The following PI4KA variants were observed in gnomAD, a reference collection of about 807,000 sequenced individuals.
PI4KA encodes the protein PI4-kinase alpha.
PI4KA carries 122 observed loss-of-function variants against 271.4 expected under a neutral mutation model. The ratio of observed to expected loss-of-function variants is 0.45; its 90% confidence interval spans 0.39 to 0.52. The LOEUF is 0.52. Ranked by LOEUF, PI4KA falls within the 20% of genes least tolerant of loss-of-function variation. PI4KA has a pLI of 0.00. For synonymous variants in PI4KA, 1,041 were observed against 1,078.8 expected, an observed-to-expected ratio of 0.96 and a Z score of 0.69; for missense variants, 1,969 against 2,769.1, an observed-to-expected ratio of 0.71 and a Z score of 6.48.
intron 19 of PI4KA, chr22:20,787,166 T>C: frequency 9.1e-7 from 1 of 1,098,952 alleles, no homozygotes; most frequent in Middle Eastern, 2.8e-4. Flanking sequence ...TTACGTAGTT[T>C]ACGCTACCAA....
chr22:20,821,439 C>T (rs1027172974), intron 4 of PI4KA, among the ~76,000 whole-genome samples: 1 of 151,814 alleles, frequency 6.6e-6, no homozygotes, highest in South Asian at 2.1e-4. Flanking sequence ...GGGCTGGTCT[C>T]GAACTCCTGA....
At chr22:20,778,737 C>A (rs1037085030) in intron 19 of PI4KA, among the ~76,000 whole-genome samples, 5 of 152,180 alleles carry the variant, frequency 3.3e-5, no homozygotes, top group African/African-American at 1.2e-4. Context: ...CAATCACCAG[C>A]CCCAGGTGCC....
intron 19 of PI4KA, among the ~76,000 whole-genome samples, chr22:20,773,152 G>A (rs539737874): frequency 1.3e-5 from 2 of 152,126 alleles, no homozygotes; most frequent in South Asian, 2.1e-4. Context: ...TTGGGAGGCC[G>A]AGACGGGAGG....
At chr22:20,722,624 A>C (rs1012594660) in intron 42 of PI4KA, among the ~76,000 whole-genome samples, 2 of 152,180 alleles carry the variant, frequency 1.3e-5, no homozygotes, top group Non-Finnish European at 2.9e-5. Flanking sequence ...TTTTAATTAA[A>C]AAAATTTTTT....
chr22:20,723,113 C>T (rs1239753188), intron 42 of PI4KA, among the ~76,000 whole-genome samples: 13 of 151,674 alleles, frequency 8.6e-5, no homozygotes, highest in Admixed American at 3.3e-4. Context: ...CTCCGCCTCC[C>T]GGGTTCACGC....
At chr22:20,739,145 A>T (rs1000767683) in intron 32 of PI4KA, among the ~76,000 whole-genome samples, 2 of 151,914 alleles carry the variant, frequency 1.3e-5, no homozygotes, top group African/African-American at 4.8e-5. Context: ...GGAGATCGAG[A>T]CCATCCTGGC....
chr22:20,726,612 G>T, intron 41 of PI4KA, 71 bp from the exon 42 acceptor site: 1 of 1,378,422 alleles, frequency 7.3e-7, no homozygotes, highest in Non-Finnish European at 9.9e-7. Flanking sequence ...CCCAGGCCCT[G>T]CCTCTGCTTC....
intron 19 of PI4KA, among the ~76,000 whole-genome samples, chr22:20,780,587 C>A (rs1321393783): frequency 6.6e-6 from 1 of 151,994 alleles, no homozygotes. Context: ...GACCAACAGA[C>A]CAACATGGTG....
chr22:20,723,711 A>G (rs1052139324), intron 42 of PI4KA, among the ~76,000 whole-genome samples: 1 of 152,036 alleles, frequency 6.6e-6, no homozygotes, highest in African/African-American at 2.4e-5. Context: ...CACGCTTGTA[A>G]TCCTAGCTAC....
At chr22:20,776,607 C>T (rs1338519351) in intron 19 of PI4KA, among the ~76,000 whole-genome samples, 1 of 152,168 alleles carries the variant, frequency 6.6e-6, no homozygotes, top group Non-Finnish European at 1.5e-5. Context: ...CTGCTCTGCA[C>T]GGCCAGGGAG....
chr22:20,729,530 T>C, intron 38 of PI4KA, 24 bp from the exon 39 acceptor site: 1 of 1,563,050 alleles, frequency 6.4e-7, no homozygotes, highest in Non-Finnish European at 8.7e-7. Flanking sequence ...ACATAAGGCC[T>C]GATATGCACC....
intron 22 of PI4KA, among the ~76,000 whole-genome samples, chr22:20,762,343 C>T (rs563059620): frequency 6.6e-6 from 1 of 152,300 alleles, no homozygotes; most frequent in African/African-American, 2.4e-5. Flanking sequence ...CCAAATTCTC[C>T]ACTTTGTGGT....
chr22:20,834,690 T>A, intron 2 of PI4KA, 35 bp from the exon 3 acceptor site: 1 of 1,369,482 alleles, frequency 7.3e-7, no homozygotes, highest in Non-Finnish European at 1.0e-6. Flanking sequence ...AAATTAGATT[T>A]AATAAAATAA....
intron 19 of PI4KA, chr22:20,773,842 T>C (rs2147447354): frequency 1.3e-5 from 2 of 152,392 alleles, no homozygotes; most frequent in African/African-American, 4.8e-5. Flanking sequence ...CTTGTTTATG[T>C]GGTGACCTCA....
chr22:20,821,007 A>T (rs1922588165), intron 4 of PI4KA, among the ~76,000 whole-genome samples: 1 of 152,222 alleles, frequency 6.6e-6, no homozygotes, highest in Non-Finnish European at 1.5e-5. Flanking sequence ...GCTAATTGCC[A>T]GCTTCTGATT....
chr22:20,828,540 G>A (rs1923740108), intron 3 of PI4KA, among the ~76,000 whole-genome samples: 1 of 152,042 alleles, frequency 6.6e-6, no homozygotes. Flanking sequence ...TCAATGCCTA[G>A]AGTTTGTTGT....
rs373352863 is a variant in PI4KA, at chr22:20,758,074, T to C, written c.2791+3230A>G. 1.1e-4 allele frequency among the ~76,000 whole-genome samples: 16 copies of C among 152,122 alleles called. No homozygotes were observed. The South Asian group carries it at 2.9e-3, about 28-fold the overall frequency. ...CACAAATTTGTAAACTTAAACATTATGAGATTCTGGGCCGGGCGCAGTGGC... is the reference window on the plus strand; with the variant it reads ...CACAAATTTGTAAACTTAAACATTACGAGATTCTGGGCCGGGCGCAGTGGC... On this transcript the variant is annotated intron_variant, in intron 23 of 54. Transcript: ENST00000255882.
At chr22:20,815,930 T>C (rs886643271) in intron 7 of PI4KA, among the ~76,000 whole-genome samples, 3 of 150,748 alleles carry the variant, frequency 2.0e-5, no homozygotes, top group African/African-American at 7.3e-5. Flanking sequence ...GGGGGTGTCA[T>C]TGAAACTTCT....
chr22:20,811,054 A>G, intron 8 of PI4KA, 22 bp from the exon 9 acceptor site: 5 of 1,580,884 alleles, frequency 3.2e-6, no homozygotes, highest in Non-Finnish European at 4.3e-6. Context: ...ACAGAACCTC[A>G]TGAAGCAACT....
Sources: allele counts gnomAD v4.1 joint callset (sites outside exome capture counted in the v4.1 genomes callset), GRCh38; gene constraint gnomAD v4.1.1; transcripts MANE v1.5; gene names NCBI Gene and HGNC (gene_info 2026-07-23, HGNC 2026-07-21).